CCSER1: variants seen among roughly 807,000 people sequenced by gnomAD.
CCSER1 encodes serine-rich coiled-coil domain-containing protein 1.
In CCSER1, 41 loss-of-function variants were observed where a neutral mutation model predicts 82.0. That is an observed-to-expected ratio of 0.50 (90% CI 0.39 to 0.65). The LOEUF (loss-of-function observed/expected upper bound fraction) is 0.65. CCSER1 is among the 30% of genes least tolerant of loss of function. CCSER1 has a pLI of 0.00. For missense variants in CCSER1, 1,119 were observed against 1,064.2 expected (o/e 1.05, Z -0.72); for synonymous variants, 414 against 383.9 (o/e 1.08, Z -0.92).
intron 1 of CCSER1, among the ~76,000 whole-genome samples, chr4:90,264,772 G>A (rs1724952478): frequency 6.6e-6 from 1 of 151,844 alleles, no homozygotes; most frequent in Non-Finnish European, 1.5e-5. Context: ...AGCTATCTGA[G>A]CATTTAATAT....
chr4:91,362,397 A>C (rs954613071), intron 10 of CCSER1, among the ~76,000 whole-genome samples: 8 of 151,810 alleles, frequency 5.3e-5, no homozygotes, highest in Middle Eastern at 3.2e-3. Context: ...CTTTCCTCAC[A>C]CACATACACA....
At chr4:90,213,141 TAGC>T (rs1332547437) in intron 1 of CCSER1, among the ~76,000 whole-genome samples, 1 of 152,102 alleles carries the variant, frequency 6.6e-6, no homozygotes, top group African/African-American at 2.4e-5. Context: ...AATACCCTGA[TAGC>T]AGGGTAATCA....
At chr4:91,540,520 T>C (rs1241020662) in intron 10 of CCSER1, among the ~76,000 whole-genome samples, 1 of 152,136 alleles carries the variant, frequency 6.6e-6, no homozygotes, top group Non-Finnish European at 1.5e-5. Flanking sequence ...TTTATTCTCT[T>C]GATATTGTCT....
At chr4:90,167,705 A>G (rs1730768088) in intron 1 of CCSER1, among the ~76,000 whole-genome samples, 1 of 149,764 alleles carries the variant, frequency 6.7e-6, no homozygotes, top group Non-Finnish European at 1.5e-5. Context: ...GTTCCCACCT[A>G]TGAGTGAGAA....
chr4:91,236,898 A>G (rs555742131), intron 10 of CCSER1, among the ~76,000 whole-genome samples: 2 of 152,294 alleles, frequency 1.3e-5, no homozygotes, highest in South Asian at 4.1e-4. Context: ...TACTCCAGAT[A>G]ATCAGCTGTA....
intron 10 of CCSER1, among the ~76,000 whole-genome samples, chr4:91,204,728 C>A (rs986524297): frequency 4.6e-5 from 7 of 151,746 alleles, no homozygotes; most frequent in Admixed American, 1.3e-4. Flanking sequence ...TTCAACTGAA[C>A]ATCATTTAAC....
intron 10 of CCSER1, among the ~76,000 whole-genome samples, chr4:91,516,271 G>T (rs993230030): frequency 1.3e-5 from 2 of 152,094 alleles, no homozygotes; most frequent in African/African-American, 4.8e-5. Context: ...TCTTTGTCAT[G>T]AAATCATTGC....
At chr4:90,722,063 A>C (rs898609368) in intron 6 of CCSER1, among the ~76,000 whole-genome samples, 1 of 151,666 alleles carries the variant, frequency 6.6e-6, no homozygotes, top group Admixed American at 6.6e-5. Context: ...TAATTTCTGG[A>C]AAGTTGTGGG....
intron 10 of CCSER1, among the ~76,000 whole-genome samples, chr4:91,148,493 T>A (rs1006069608): frequency 2.1e-5 from 3 of 143,678 alleles, no homozygotes; most frequent in African/African-American, 7.7e-5. Flanking sequence ...TTATTTATTT[T>A]TATTATTATA....
At chr4:91,496,671 C>G (rs1200019850) in intron 10 of CCSER1, among the ~76,000 whole-genome samples, 1 of 16,060 alleles carries the variant, frequency 6.2e-5, no homozygotes, top group Non-Finnish European at 1.6e-4. Context: ...TATATATATT[C>G]AATATATTTG....
intron 9 of CCSER1, among the ~76,000 whole-genome samples, chr4:90,934,666 T>C (rs1730696463): frequency 6.6e-6 from 1 of 152,110 alleles, no homozygotes; most frequent in South Asian, 2.1e-4. Context: ...GCATGGTGGC[T>C]CATGCCTGTA....
chr4:91,530,242 CA>C (rs1760954942), intron 10 of CCSER1, among the ~76,000 whole-genome samples: 1 of 151,952 alleles, frequency 6.6e-6, no homozygotes, highest in African/African-American at 2.4e-5. Context: ...GAATATGTGA[CA>C]GGATTTGCCT....
At chr4:90,177,389 G>C (rs890127850) in intron 1 of CCSER1, among the ~76,000 whole-genome samples, 1 of 151,980 alleles carries the variant, frequency 6.6e-6, no homozygotes, top group African/African-American at 2.4e-5. Flanking sequence ...CACTTTAAGC[G>C]GTTTTACCAT....
At chr4:90,130,516 A>G (rs1342352201) in intron 1 of CCSER1, among the ~76,000 whole-genome samples, 1 of 152,224 alleles carries the variant, frequency 6.6e-6, no homozygotes, top group Non-Finnish European at 1.5e-5. Context: ...AAAAGAACAT[A>G]TAAGGGAAGA....
chr4:90,624,917 C>T (rs961503531), intron 5 of CCSER1, among the ~76,000 whole-genome samples: 1 of 152,090 alleles, frequency 6.6e-6, no homozygotes, highest in East Asian at 1.9e-4. Context: ...ATGTGTTCAG[C>T]GGAGATTACA....
chr4:91,312,467 G>A (rs535470731), intron 10 of CCSER1, among the ~76,000 whole-genome samples: 1 of 151,774 alleles, frequency 6.6e-6, no homozygotes, highest in Non-Finnish European at 1.5e-5. Flanking sequence ...GGATATACTG[G>A]TGAACGAAAG....
At chr4:90,495,673 T>C (rs747693380) in intron 5 of CCSER1, among the ~76,000 whole-genome samples, 4 of 152,232 alleles carry the variant, frequency 2.6e-5, no homozygotes, top group African/African-American at 9.6e-5. Flanking sequence ...TTATAGATTA[T>C]ATCATAATGT....
intron 10 of CCSER1, among the ~76,000 whole-genome samples, chr4:91,439,412 T>C (rs1288013498): frequency 1.3e-5 from 2 of 151,916 alleles, no homozygotes; most frequent in Non-Finnish European, 2.9e-5. Flanking sequence ...AATAAAATCC[T>C]TTACAGACAA....
rs13138266 is a variant in CCSER1 at position 91,439,057 on chromosome 4, G to T, written c.2218-159515G>T. Among the ~76,000 whole-genome samples the T allele has an allele frequency of 3.0e-4, 45 of 152,326 alleles. No individual in the cohort carries two copies. The East Asian group carries it at 7.1e-3, about 24-fold the overall frequency. On this transcript the variant is annotated intron_variant, in intron 10 of 10. Coordinates refer to ENST00000509176, the MANE Select transcript of CCSER1 (RefSeq NM_001145065.2). ...ATGGAACCAAGTTGGAAAACACTCTGCAGGATATTATCCAGGAGAACTTCC... is the reference window on the plus strand; with the variant it reads ...ATGGAACCAAGTTGGAAAACACTCTTCAGGATATTATCCAGGAGAACTTCC...
Sources: gnomAD v4.1 joint callset for allele counts (sites outside exome capture counted in the v4.1 genomes callset) on GRCh38, gnomAD v4.1.1 for gene constraint, MANE v1.5 for transcripts, NCBI Gene and HGNC (gene_info 2026-07-23, HGNC 2026-07-21) for gene names.